Variants in TAMM41 observed in about 807,000 individuals in gnomAD.
TAMM41 encodes phosphatidate cytidylyltransferase, mitochondrial.
A neutral mutation model predicts 44.1 loss-of-function variants in TAMM41; 36 were observed. The observed-to-expected ratio is 0.82, with a 90% CI of 0.63 to 1.08. The LOEUF is 1.08. TAMM41 is among the 50% of genes least tolerant of loss of function. TAMM41 has a pLI of 0.00. For synonymous variants in TAMM41, 164 were observed against 153.1 expected (o/e 1.07, Z -0.53); for missense variants, 417 against 404.3 (o/e 1.03, Z -0.27).
At chr3:11,750,771 G>T in the TAMM41 span, among the ~76,000 whole-genome samples, 3 of 152,186 alleles carry the variant, frequency 2.0e-5, no homozygotes, top group Admixed American at 6.5e-5. Flanking sequence ...CTCACCAGGT[G>T]CACAGGCTGA....
chr3:11,809,794 C>T, intron 5 of TAMM41, 112 bp from the exon 6 acceptor site: 3 of 1,081,672 alleles, frequency 2.8e-6, no homozygotes, highest in Non-Finnish European at 2.6e-6. Context: ...GCACCCACAC[C>T]CCTGGCGAGG....
intron 4 of TAMM41, among the ~76,000 whole-genome samples, chr3:11,829,077 G>C (rs1050874481): frequency 5.3e-5 from 8 of 152,166 alleles, no homozygotes; most frequent in Admixed American, 5.2e-4. Flanking sequence ...TACCCTCTCA[G>C]TTGTCTCAGT....
At chr3:11,744,663 C>G in the TAMM41 span, among the ~76,000 whole-genome samples, 476 of 151,658 alleles carry the variant, frequency 3.1e-3, 2 homozygotes, top group African/African-American at 0.011. Context: ...CCACTGCACT[C>G]CAGCCTAGGC....
the TAMM41 span, among the ~76,000 whole-genome samples, chr3:11,777,545 AC>A: frequency 9.1e-3 from 1,385 of 152,278 alleles, 6 homozygotes; most frequent in Middle Eastern, 0.014. Flanking sequence ...TGTAATCCCA[AC>A]ACTTTGGGAG....
the TAMM41 span, among the ~76,000 whole-genome samples, chr3:11,729,039 G>C: frequency 7.1e-6 from 1 of 140,868 alleles, no homozygotes; most frequent in South Asian, 2.3e-4. Flanking sequence ...AAACTTGCCA[G>C]GGAGTCGGTG....
chr3:11,753,514 G>A, the TAMM41 span, among the ~76,000 whole-genome samples: 7 of 151,914 alleles, frequency 4.6e-5, no homozygotes, highest in African/African-American at 1.7e-4. Flanking sequence ...CACAAGGTCA[G>A]GAGATTGAGA....
At chr3:11,772,362 T>G in the TAMM41 span, among the ~76,000 whole-genome samples, 2 of 151,946 alleles carry the variant, frequency 1.3e-5, no homozygotes, top group Non-Finnish European at 2.9e-5. Context: ...ATGGCAGGCG[T>G]GAGCCACCGT....
At chr3:11,738,926 T>C in the TAMM41 span, among the ~76,000 whole-genome samples, 1 of 152,216 alleles carries the variant, frequency 6.6e-6, no homozygotes, top group Non-Finnish European at 1.5e-5. Flanking sequence ...AAGTCCAAGT[T>C]CTTAGCACAG....
At chr3:11,765,786 C>T in the TAMM41 span, among the ~76,000 whole-genome samples, 1 of 151,254 alleles carries the variant, frequency 6.6e-6, no homozygotes, top group Non-Finnish European at 1.5e-5. Context: ...ACTGCAAGCT[C>T]TGCCTCCCAG....
At chr3:11,730,022 C>T in the TAMM41 span, among the ~76,000 whole-genome samples, 1 of 152,184 alleles carries the variant, frequency 6.6e-6, no homozygotes, top group African/African-American at 2.4e-5. Flanking sequence ...TCCTACTTCT[C>T]ATTGAACAAT....
the TAMM41 span, among the ~76,000 whole-genome samples, chr3:11,774,321 C>T: frequency 6.6e-6 from 1 of 152,156 alleles, no homozygotes; most frequent in Admixed American, 6.5e-5. Context: ...CCTTGGGAAT[C>T]AGAAAGGTGC....
intron 7 of TAMM41, chr3:11,807,193 T>G: frequency 7.2e-7 from 1 of 1,393,770 alleles, no homozygotes. Context: ...GAGAAGAACA[T>G]TATGCAGGGA....
Position 11,816,945 on chromosome 3 carries a change from T to C in TAMM41, c.708+247A>G, listed in dbSNP as rs571480462. 126 of 430,772 alleles carry C rather than the reference T, an allele frequency of 2.9e-4. 1 individual carries two copies. The South Asian group carries it at 7.8e-3, about 27-fold the overall frequency. 26.7% of individuals were successfully genotyped at this position (430,772 alleles called of 1,614,324 possible). A position where few individuals can be genotyped will look rare whatever the true frequency, so the allele number is the denominator to read the frequency against. ...ATAATTTCCAATGGCAAAAAAGATA[T>C]ACATGGTCAAAACAAGTCCCTCTCC... On this transcript the variant is annotated intron_variant, in intron 5 of 7. Transcript: ENST00000455809.
chr3:11,722,367 G>A, the TAMM41 span, among the ~76,000 whole-genome samples: 1 of 149,218 alleles, frequency 6.7e-6, no homozygotes, highest in Non-Finnish European at 1.5e-5. Context: ...TCAAGTTACT[G>A]TAAGAAAAAG....
chr3:11,837,845 G>C (rs1402698293), intron 3 of TAMM41, among the ~76,000 whole-genome samples: 4 of 152,154 alleles, frequency 2.6e-5, no homozygotes, highest in Non-Finnish European at 5.9e-5. Flanking sequence ...GGTCAACTTG[G>C]AGCCCGATCC....
chr3:11,792,701 A>G (rs2077508371), intron 7 of TAMM41, among the ~76,000 whole-genome samples: 1 of 152,224 alleles, frequency 6.6e-6, no homozygotes, highest in African/African-American at 2.4e-5. Flanking sequence ...AAAAACTGCT[A>G]AACATATAGA....
At chr3:11,837,247 C>T (rs888640477) in intron 3 of TAMM41, among the ~76,000 whole-genome samples, 1 of 152,094 alleles carries the variant, frequency 6.6e-6, no homozygotes, top group Non-Finnish European at 1.5e-5. Context: ...GGGAGACACT[C>T]GAGAACAATC....
chr3:11,838,288 C>T (rs1316679381), intron 3 of TAMM41, among the ~76,000 whole-genome samples: 3 of 151,174 alleles, frequency 2.0e-5, no homozygotes, highest in Non-Finnish European at 4.4e-5. Context: ...GATCTCGGCT[C>T]ATTGCAATTT....
intron 7 of TAMM41, among the ~76,000 whole-genome samples, chr3:11,793,746 T>C (rs547409202): frequency 6.6e-6 from 1 of 152,192 alleles, no homozygotes; most frequent in Admixed American, 6.5e-5. Flanking sequence ...TTATACATGG[T>C]TAAAAAATGG....
Sources: gnomAD v4.1 joint callset for allele counts (sites outside exome capture counted in the v4.1 genomes callset) on GRCh38, gnomAD v4.1.1 for gene constraint, MANE v1.5 for transcripts, NCBI Gene and HGNC (gene_info 2026-07-23, HGNC 2026-07-21) for gene names.